Variants in UNC13C observed in about 807,000 individuals in gnomAD.
UNC13C encodes protein unc-13 homolog C.
A neutral mutation model predicts 245.4 loss-of-function variants in UNC13C; 174 were observed. The observed-to-expected ratio is 0.71, with a 90% CI of 0.63 to 0.80. UNC13C has a LOEUF of 0.80. Among genes scored for constraint, UNC13C ranks in the 30% least tolerant of loss-of-function variants. The pLI is 0.00. For missense variants in UNC13C, 2,829 were observed against 2,602.9 expected, an observed-to-expected ratio of 1.09 and a Z score of -1.89; for synonymous variants, 992 against 895.1, an observed-to-expected ratio of 1.11 and a Z score of -1.93.
intron 30 of UNC13C, among the ~76,000 whole-genome samples, chr15:54,615,185 C>T (rs952509094): frequency 6.6e-6 from 1 of 151,990 alleles, no homozygotes; most frequent in Admixed American, 6.6e-5. Flanking sequence ...ACATCTATCT[C>T]CTCAAGCATT....
the UNC13C span, among the ~76,000 whole-genome samples, chr15:53,891,391 G>A: frequency 3.9e-4 from 59 of 152,236 alleles, no homozygotes; most frequent in Non-Finnish European, 7.3e-4. Context: ...ACTTGTTCCC[G>A]AGCTGAGTTC....
intron 4 of UNC13C, among the ~76,000 whole-genome samples, chr15:54,221,581 T>TA (rs1246707767): frequency 6.6e-6 from 1 of 151,964 alleles, no homozygotes. Context: ...TGTAAAAGTC[T>TA]AACAGAATAA....
chr15:54,513,402 A>T (rs1203120103), intron 24 of UNC13C, among the ~76,000 whole-genome samples: 1 of 152,208 alleles, frequency 6.6e-6, no homozygotes, highest in Non-Finnish European at 1.5e-5. Context: ...TAATGTGAAT[A>T]ACATATTGTT....
chr15:54,473,457 T>C (rs1007299291), intron 19 of UNC13C, among the ~76,000 whole-genome samples: 4 of 151,876 alleles, frequency 2.6e-5, no homozygotes, highest in African/African-American at 9.7e-5. Flanking sequence ...TTTCTTATTC[T>C]TTCTTTGTAA....
chr15:54,542,682 C>T (rs1399105189), intron 26 of UNC13C, among the ~76,000 whole-genome samples: 4 of 152,066 alleles, frequency 2.6e-5, no homozygotes, highest in Non-Finnish European at 4.4e-5. Flanking sequence ...TCTGGGTGCT[C>T]CTGTATTGCG....
In UNC13C at chr15:54,311,038, A is replaced by G. The variant is rs894145219; in HGVS notation, c.4268+10665A>G. 2.0e-5 allele frequency among the ~76,000 whole-genome samples: 3 copies of G among 151,890 alleles called. 1 individual carries two copies. In the Middle Eastern group the frequency reaches 0.01, roughly 517 times the overall value. ...CAACATAGACTATTGTTTTGGTACT[A>G]GGAGCTACCTTCCTTAATTTAGCAT... On this transcript the variant is annotated intron_variant, in intron 13 of 32. Transcript: ENST00000260323.
chr15:54,373,460 G>A (rs541988509), intron 17 of UNC13C, among the ~76,000 whole-genome samples: 4 of 152,194 alleles, frequency 2.6e-5, no homozygotes, highest in Middle Eastern at 3.4e-3. Context: ...CATGGAGTCC[G>A]GCTGCTCTGC....
At chr15:54,157,964 A>G (rs1322022457) in intron 4 of UNC13C, among the ~76,000 whole-genome samples, 1 of 152,202 alleles carries the variant, frequency 6.6e-6, no homozygotes, top group Non-Finnish European at 1.5e-5. Flanking sequence ...AAATGTACAG[A>G]TTCAAGCTTG....
chr15:54,500,160 A>G lies in UNC13C; in HGVS notation c.5142A>G (p.Arg1714=). Residue 1714 remains arginine (R), a synonymous_variant, in exon 21 of 33, where the codon AGA becomes AGG. Coordinates refer to ENST00000260323, the MANE Select transcript of UNC13C (RefSeq NM_001080534.3). ...AATTCCTTCATGGAGCACTGGGAAG[A>G]GACAAAAAAGATGGAGTGAGTTTAA... ...SMEFLHGALG[R]DKKDGFQQTS... The G allele has an allele frequency of 1.9e-6, 3 of 1,609,610 alleles. No individual in the cohort carries two copies. The highest frequency in any genetic ancestry group is 2.5e-6 in the Non-Finnish European group (3 of 1,178,236).
At chr15:54,481,719 C>A (rs998917371) in intron 19 of UNC13C, among the ~76,000 whole-genome samples, 5 of 152,014 alleles carry the variant, frequency 3.3e-5, no homozygotes, top group Non-Finnish European at 5.9e-5. Flanking sequence ...TGGTGGTGGG[C>A]AGGACACAGA....
intron 14 of UNC13C, among the ~76,000 whole-genome samples, chr15:54,325,247 A>C (rs1395496842): frequency 6.6e-6 from 1 of 151,918 alleles, no homozygotes; most frequent in Non-Finnish European, 1.5e-5. Context: ...TAATTCCAAC[A>C]TTGAAGGCAC....
chr15:53,991,433 C>A (rs948087094), intron 1 of UNC13C, among the ~76,000 whole-genome samples: 2 of 151,968 alleles, frequency 1.3e-5, no homozygotes, highest in Admixed American at 6.6e-5. Context: ...CCAATGTGAT[C>A]AATCTTTACC....
At chr15:54,207,183 G>A (rs567895816) in intron 4 of UNC13C, among the ~76,000 whole-genome samples, 29 of 151,914 alleles carry the variant, frequency 1.9e-4, no homozygotes, top group Admixed American at 3.9e-4. Flanking sequence ...TGGTTGTTCC[G>A]AACAAAACTC....
At chr15:54,595,930 G>T (rs887624193) in intron 30 of UNC13C, among the ~76,000 whole-genome samples, 1 of 152,010 alleles carries the variant, frequency 6.6e-6, no homozygotes, top group Non-Finnish European at 1.5e-5. Context: ...ATGATTACAT[G>T]AAGTAGATAA....
At chr15:54,326,308 G>A (rs987086112) in intron 14 of UNC13C, among the ~76,000 whole-genome samples, 1 of 151,970 alleles carries the variant, frequency 6.6e-6, no homozygotes, top group African/African-American at 2.4e-5. Flanking sequence ...AGCTACTGAG[G>A]GGAATACAAA....
At chr15:54,331,516 A>G (rs2038435487) in intron 14 of UNC13C, among the ~76,000 whole-genome samples, 2 of 152,072 alleles carry the variant, frequency 1.3e-5, no homozygotes, top group South Asian at 4.1e-4. Context: ...CCTTTCAGAT[A>G]TGAAGTCTGC....
At chr15:54,625,990 C>T (rs1019553408) in intron 32 of UNC13C, among the ~76,000 whole-genome samples, 2 of 152,050 alleles carry the variant, frequency 1.3e-5, no homozygotes, top group African/African-American at 4.8e-5. Context: ...AGTTTAGTTA[C>T]CAGTGTTTCC....
intron 2 of UNC13C, among the ~76,000 whole-genome samples, chr15:54,020,608 G>T (rs748720785): frequency 4.6e-5 from 7 of 151,922 alleles, no homozygotes; most frequent in Non-Finnish European, 1.0e-4. Flanking sequence ...AAAAACAAAA[G>T]ATGTTTTGTC....
At position 54,383,034 on chromosome 15, in the gene UNC13C, C is replaced by G. The variant is rs147118593; in HGVS notation, c.4714-10014C>G. ...ATCTAAACAGGCCAATAATGAGGAGCAACATTGAATCAGTAATGGAAATTC... is the reference window on the plus strand; with the variant it reads ...ATCTAAACAGGCCAATAATGAGGAGGAACATTGAATCAGTAATGGAAATTC... On this transcript the variant is annotated intron_variant, in intron 17 of 32. Transcript: ENST00000260323. Among the ~76,000 whole-genome samples the G allele has an allele frequency of 3.9e-3, 594 of 152,190 alleles. 2 individuals carry two copies. The highest frequency in any genetic ancestry group is 6.5e-3 in the Admixed American group (100 of 15,278).
Sources: gnomAD v4.1 joint callset for allele counts (sites outside exome capture counted in the v4.1 genomes callset) on GRCh38, gnomAD v4.1.1 for gene constraint, MANE v1.5 for transcripts, NCBI Gene and HGNC (gene_info 2026-07-23, HGNC 2026-07-21) for gene names.